The following BRINP3 variants were observed in gnomAD, a reference collection of about 807,000 sequenced individuals.
BRINP3 encodes BMP/retinoic acid-inducible neural-specific protein 3.
Under a neutral mutation model 71.0 loss-of-function variants are expected in BRINP3, and 19 were observed. That is an observed-to-expected ratio of 0.27 (90% CI 0.19 to 0.39). The LOEUF (loss-of-function observed/expected upper bound fraction) is 0.39. Among genes scored for constraint, BRINP3 ranks in the 10% least tolerant of loss-of-function variants. The probability of loss-of-function intolerance (pLI) is 1.00; values close to 1 mark genes in which losing one functional copy is unlikely to be tolerated. For synonymous variants in BRINP3, 380 were observed against 337.7 expected (o/e 1.13, Z -1.37); for missense variants, 959 against 940.8 (o/e 1.02, Z -0.25).
intron 7 of BRINP3, among the ~76,000 whole-genome samples, chr1:190,142,732 T>A (rs1655559066): frequency 6.6e-6 from 1 of 151,248 alleles, no homozygotes; most frequent in African/African-American, 2.4e-5. Context: ...AACTTTCAAA[T>A]AAAAAAATTA....
At chr1:190,222,793 A>G (rs1657010124) in intron 6 of BRINP3, among the ~76,000 whole-genome samples, 1 of 151,816 alleles carries the variant, frequency 6.6e-6, no homozygotes, top group East Asian at 1.9e-4. Context: ...TCTTTGTCTA[A>G]GAAAAAAAAG....
At chr1:190,191,243 C>G (rs1298715473) in intron 6 of BRINP3, among the ~76,000 whole-genome samples, 2 of 152,072 alleles carry the variant, frequency 1.3e-5, no homozygotes, top group African/African-American at 4.8e-5. Context: ...CAGGTTTCAT[C>G]CTATACAAAT....
intron 6 of BRINP3, among the ~76,000 whole-genome samples, chr1:190,187,753 G>GT (rs1004522620): frequency 6.6e-5 from 10 of 151,846 alleles, no homozygotes; most frequent in African/African-American, 2.2e-4. Context: ...CCAGTGCCAT[G>GT]TTTTTTGTGT....
At chr1:190,465,306 A>G (rs1389215706) in intron 1 of BRINP3, among the ~76,000 whole-genome samples, 1 of 151,962 alleles carries the variant, frequency 6.6e-6, no homozygotes, top group African/African-American at 2.4e-5. Context: ...TGGAAAATCT[A>G]ATTTTAATAT....
At chr1:190,345,310 A>G (rs997524920) in intron 2 of BRINP3, among the ~76,000 whole-genome samples, 2 of 151,724 alleles carry the variant, frequency 1.3e-5, no homozygotes, top group Non-Finnish European at 3.0e-5. Context: ...CTTAAAATTA[A>G]AAAAAATTAA....
At chr1:190,469,951 T>C (rs1571399717) in intron 1 of BRINP3, among the ~76,000 whole-genome samples, 1 of 151,208 alleles carries the variant, frequency 6.6e-6, no homozygotes, top group East Asian at 1.9e-4. Flanking sequence ...TAGACTGGCT[T>C]ACATTTTTGA....
At chr1:190,476,025 G>T (rs1041102856) in intron 1 of BRINP3, 1 of 152,000 alleles carries the variant, frequency 6.6e-6, no homozygotes, top group Non-Finnish European at 1.5e-5. Flanking sequence ...ACCTAGTGAC[G>T]GGTGAGGGGC....
Position 190,220,719 on chromosome 1 carries a change from A to G in BRINP3, c.961+5363T>C, listed in dbSNP as rs2102683471. Reference sequence around the variant, plus strand: ...GAAGGAGAGATAAACTATTTCCCAAATAAACAAAAATGGAGAGAATTTACC... The same window carrying G: ...GAAGGAGAGATAAACTATTTCCCAAGTAAACAAAAATGGAGAGAATTTACC... On this transcript the variant is annotated intron_variant, in intron 6 of 7. Transcript: ENST00000367462. Among the ~76,000 whole-genome samples, 3 of 152,240 alleles carry G rather than the reference A, an allele frequency of 2.0e-5. No individual in the cohort carries two copies. The South Asian group carries it at 6.2e-4, about 32-fold the overall frequency.
intron 2 of BRINP3, among the ~76,000 whole-genome samples, chr1:190,284,617 T>C (rs1663280896): frequency 1.3e-5 from 2 of 152,086 alleles, no homozygotes; most frequent in South Asian, 2.1e-4. Context: ...GAAGGCTTCC[T>C]GGACAACTTT....
chr1:190,232,264 A>T (rs1320426626), intron 5 of BRINP3, among the ~76,000 whole-genome samples: 2 of 152,042 alleles, frequency 1.3e-5, no homozygotes, highest in East Asian at 3.9e-4. Flanking sequence ...ACATACAGTG[A>T]CCCAGAAATA....
chr1:190,197,374 C>A (rs1654579772), intron 6 of BRINP3, among the ~76,000 whole-genome samples: 1 of 152,194 alleles, frequency 6.6e-6, no homozygotes, highest in Admixed American at 6.5e-5. Flanking sequence ...TCCTCAAAGT[C>A]ATAACTAATT....
chr1:190,234,597 G>T, intron 4 of BRINP3, 120 bp from the exon 5 acceptor site: 1 of 664,236 alleles, frequency 1.5e-6, no homozygotes, highest in East Asian at 2.8e-5. Context: ...GAAAGGTCCA[G>T]GATCTCATAC....
chr1:190,301,765 C>T (rs1664757246), intron 2 of BRINP3, among the ~76,000 whole-genome samples: 1 of 151,704 alleles, frequency 6.6e-6, no homozygotes, highest in African/African-American at 2.4e-5. Flanking sequence ...GATTACATAA[C>T]TATACAAAAG....
intron 2 of BRINP3, among the ~76,000 whole-genome samples, chr1:190,430,073 A>C (rs1271459152): frequency 6.6e-6 from 1 of 152,124 alleles, no homozygotes. Flanking sequence ...TCTAAGAAAA[A>C]CTTGTTCACT....
chr1:190,323,091 T>C (rs1482224590), intron 2 of BRINP3, among the ~76,000 whole-genome samples: 1 of 151,982 alleles, frequency 6.6e-6, no homozygotes, highest in African/African-American at 2.4e-5. Flanking sequence ...AAATTAGTTA[T>C]GGGTGTCTGG....
At chr1:190,265,185 G>A in intron 3 of BRINP3, 130 bp from the exon 4 acceptor site, 1 of 779,732 alleles carries the variant, frequency 1.3e-6, no homozygotes, top group African/African-American at 1.8e-5. Flanking sequence ...AAAGGGCAAG[G>A]GGTTTTATTT....
intron 7 of BRINP3, among the ~76,000 whole-genome samples, chr1:190,102,658 TA>T (rs534398643): frequency 1.9e-4 from 29 of 152,060 alleles, no homozygotes; most frequent in African/African-American, 6.7e-4. Flanking sequence ...AGGGAGGGGA[TA>T]AATACATTAT....
At chr1:190,467,431 C>T (rs191398470) in intron 1 of BRINP3, among the ~76,000 whole-genome samples, 692 of 151,578 alleles carry the variant, frequency 4.6e-3, no homozygotes, top group Non-Finnish European at 7.5e-3. Flanking sequence ...GTACTTAAAT[C>T]TTTATATGCT....
chr1:190,475,793 G>T (rs1473642134), intron 1 of BRINP3: 1 of 151,784 alleles, frequency 6.6e-6, no homozygotes, highest in African/African-American at 2.4e-5. Flanking sequence ...AATACTGACT[G>T]TCTGTTCCTT....
Sources: allele counts gnomAD v4.1 joint callset (sites outside exome capture counted in the v4.1 genomes callset), GRCh38; gene constraint gnomAD v4.1.1; transcripts MANE v1.5; gene names NCBI Gene and HGNC (gene_info 2026-07-23, HGNC 2026-07-21).